Variants in MARCHF4 observed in about 807,000 individuals in gnomAD.
MARCHF4 encodes E3 ubiquitin-protein ligase MARCHF4.
Under a neutral mutation model 43.9 loss-of-function variants are expected in MARCHF4, and 14 were observed. That is an observed-to-expected ratio of 0.32 (90% CI 0.21 to 0.50). The LOEUF (loss-of-function observed/expected upper bound fraction) is 0.50, where lower values mean the gene tolerates loss of function less well. Among genes scored for constraint, MARCHF4 ranks in the 20% least tolerant of loss-of-function variants. The probability of loss-of-function intolerance (pLI) is 0.98; values close to 1 mark genes in which losing one functional copy is unlikely to be tolerated. For synonymous variants in MARCHF4, 226 were observed against 213.3 expected (o/e 1.06, Z -0.52); for missense variants, 468 against 536.7 (o/e 0.87, Z 1.27).
chr2:216,279,333 G>A (rs896423296), intron 2 of MARCHF4, among the ~76,000 whole-genome samples: 1 of 152,210 alleles, frequency 6.6e-6, no homozygotes. Context: ...CTTGTGGGGT[G>A]AGACAACTGG....
chr2:216,299,101 A>G (rs1691442269), intron 1 of MARCHF4, among the ~76,000 whole-genome samples: 1 of 150,906 alleles, frequency 6.6e-6, no homozygotes. Context: ...GAAGACATAG[A>G]CAGTCTGGGA....
At chr2:216,330,089 C>A (rs994674888) in intron 1 of MARCHF4, among the ~76,000 whole-genome samples, 7 of 150,684 alleles carry the variant, frequency 4.6e-5, no homozygotes, top group Non-Finnish European at 4.4e-5. Flanking sequence ...TGAGAATCTG[C>A]CTCATTAAAA....
chr2:216,300,450 C>T (rs1056683838), intron 1 of MARCHF4, among the ~76,000 whole-genome samples: 4 of 151,258 alleles, frequency 2.6e-5, no homozygotes, highest in African/African-American at 7.3e-5. Context: ...CTCGAGTGAT[C>T]GTCCCACCTC....
At chr2:216,350,418 C>A (rs899952688) in intron 1 of MARCHF4, among the ~76,000 whole-genome samples, 4 of 151,586 alleles carry the variant, frequency 2.6e-5, no homozygotes, top group Admixed American at 2.6e-4. Context: ...CCATGCCACA[C>A]CCCCTCACTA....
intron 2 of MARCHF4, among the ~76,000 whole-genome samples, chr2:216,282,283 G>C (rs1291752194): frequency 6.6e-6 from 1 of 151,988 alleles, no homozygotes; most frequent in Non-Finnish European, 1.5e-5. Flanking sequence ...ACTTGTGTGT[G>C]TGCAACACAC....
At chr2:216,274,315 A>C (rs1261007400) in intron 3 of MARCHF4, among the ~76,000 whole-genome samples, 2 of 152,142 alleles carry the variant, frequency 1.3e-5, no homozygotes, top group African/African-American at 4.8e-5. Context: ...CCTGTCCTAC[A>C]TTGCCCTGAG....
chr2:216,304,962 A>G (rs919292343), intron 1 of MARCHF4, among the ~76,000 whole-genome samples: 3 of 152,222 alleles, frequency 2.0e-5, no homozygotes, highest in African/African-American at 7.2e-5. Context: ...TCAAAAAAAA[A>G]AGAAAACATT....
chr2:216,261,042 C>A (rs988110075), intron 3 of MARCHF4, among the ~76,000 whole-genome samples: 2 of 152,144 alleles, frequency 1.3e-5, no homozygotes, highest in African/African-American at 2.4e-5. Flanking sequence ...AATGGGAAGC[C>A]ATTTCCTGAG....
At chr2:216,281,690 T>G (rs915085369) in intron 2 of MARCHF4, among the ~76,000 whole-genome samples, 1 of 152,162 alleles carries the variant, frequency 6.6e-6, no homozygotes, top group African/African-American at 2.4e-5. Context: ...CTTCTTCCAG[T>G]GCTATCCAGA....
chr2:216,308,502 C>T (rs1691627437), intron 1 of MARCHF4, among the ~76,000 whole-genome samples: 1 of 152,246 alleles, frequency 6.6e-6, no homozygotes, highest in Non-Finnish European at 1.5e-5. Context: ...ACGCTGAATG[C>T]TGATGATAGG....
chr2:216,284,380 C>T (rs1691185577), intron 1 of MARCHF4, among the ~76,000 whole-genome samples: 2 of 152,172 alleles, frequency 1.3e-5, no homozygotes, highest in South Asian at 4.1e-4. Flanking sequence ...TTGAAACTTC[C>T]TTTGAGTGGA....
chr2:216,319,685 C>T (rs1339740813), intron 1 of MARCHF4, among the ~76,000 whole-genome samples: 2 of 152,198 alleles, frequency 1.3e-5, no homozygotes, highest in Non-Finnish European at 2.9e-5. Flanking sequence ...TAAGCCTCTT[C>T]TTTGACTTCA....
At chr2:216,263,564 GAA>G (rs1559280596) in intron 3 of MARCHF4, among the ~76,000 whole-genome samples, 1 of 150,610 alleles carries the variant, frequency 6.6e-6, no homozygotes, top group African/African-American at 2.5e-5. Flanking sequence ...AGAAGAAAAA[GAA>G]AGAAAGAAAG....
rs998230446 is a variant in MARCHF4 at position 216,370,310 on chromosome 2, G to T, written c.-50C>A. On this transcript the variant is annotated 5_prime_UTR_variant, in exon 1 of 4. Coordinates refer to ENST00000273067, the MANE Select transcript of MARCHF4 (RefSeq NM_020814.3). ...AAGAGGGGTGGCTGGAGTCTTAAAA[G>T]AGGGGGACAGGACAGGTTTTGGGGG... 4 of 1,513,156 alleles carry T rather than the reference G, an allele frequency of 2.6e-6. No individual in the cohort carries two copies. The highest frequency in any genetic ancestry group is 3.5e-6 in the Non-Finnish European group (4 of 1,128,266). The allele number at this position is 1,513,156 out of a possible 1,614,324, so 93.7% of individuals were successfully genotyped here. A position where few individuals can be genotyped will look rare whatever the true frequency, so the allele number is the denominator to read the frequency against.
chr2:216,316,038 C>A (rs950066655), intron 1 of MARCHF4, among the ~76,000 whole-genome samples: 5 of 152,216 alleles, frequency 3.3e-5, no homozygotes, highest in Admixed American at 6.5e-5. Context: ...ACACAGTCAC[C>A]ATCCACATAA....
chr2:216,300,691 G>T (rs1195228132), intron 1 of MARCHF4, among the ~76,000 whole-genome samples: 1 of 151,918 alleles, frequency 6.6e-6, no homozygotes, highest in African/African-American at 2.4e-5. Flanking sequence ...TACAAAGCTC[G>T]AAGATAATAA....
intron 1 of MARCHF4, among the ~76,000 whole-genome samples, chr2:216,363,451 G>C (rs980470805): frequency 6.6e-6 from 1 of 152,218 alleles, no homozygotes; most frequent in Admixed American, 6.5e-5. Flanking sequence ...ATGTAAGATA[G>C]CTATACCTGT....
intron 1 of MARCHF4, among the ~76,000 whole-genome samples, chr2:216,349,483 G>GA (rs1417642020): frequency 1.3e-5 from 2 of 152,186 alleles, no homozygotes; most frequent in Non-Finnish European, 2.9e-5. Context: ...GGAGGAAATG[G>GA]AGGTTTCACA....
chr2:216,329,810 G>T (rs1285620890), intron 1 of MARCHF4, among the ~76,000 whole-genome samples: 1 of 151,340 alleles, frequency 6.6e-6, no homozygotes, highest in Non-Finnish European at 1.5e-5. Flanking sequence ...AAAAGGGCTG[G>T]GTTGAGTGGC....
Sources: gnomAD v4.1 joint callset for allele counts (sites outside exome capture counted in the v4.1 genomes callset) on GRCh38, gnomAD v4.1.1 for gene constraint, MANE v1.5 for transcripts, NCBI Gene and HGNC (gene_info 2026-07-23, HGNC 2026-07-21) for gene names.